The following NELL1 variants were observed in gnomAD, a reference collection of about 807,000 sequenced individuals.
NELL1 encodes protein kinase C-binding protein NELL1.
Under a neutral mutation model 107.4 loss-of-function variants are expected in NELL1, and 76 were observed. The ratio of observed to expected loss-of-function variants is 0.71; its 90% confidence interval spans 0.59 to 0.86. The LOEUF (loss-of-function observed/expected upper bound fraction) is 0.86, where lower values mean the gene tolerates loss of function less well. Ranked by LOEUF, NELL1 falls within the 40% of genes least tolerant of loss-of-function variation. NELL1 has a pLI of 0.00. For missense variants in NELL1, 1,024 were observed against 1,005.5 expected (o/e 1.02, Z -0.25); for synonymous variants, 353 against 341.2 (o/e 1.03, Z -0.38).
chr11:21,547,713 A>G (rs1856478285), intron 16 of NELL1, among the ~76,000 whole-genome samples: 1 of 151,954 alleles, frequency 6.6e-6, no homozygotes, highest in Admixed American at 6.6e-5. Flanking sequence ...TGAGGCCCTC[A>G]GAATTAGCCA....
intron 14 of NELL1, among the ~76,000 whole-genome samples, chr11:21,243,519 G>A (rs1410262974): frequency 6.6e-6 from 1 of 152,052 alleles, no homozygotes; most frequent in Admixed American, 6.6e-5. Flanking sequence ...TTTGTAGAAG[G>A]AAAGCAAATT....
At chr11:21,165,293 T>C (rs1051134467) in intron 13 of NELL1, among the ~76,000 whole-genome samples, 4 of 152,192 alleles carry the variant, frequency 2.6e-5, no homozygotes, top group Non-Finnish European at 4.4e-5. Flanking sequence ...GAAACGTCTA[T>C]ACCCTAGTCA....
In NELL1 at chr11:21,359,462, T is replaced by C. The variant is rs188280529; in HGVS notation, c.1550-11391T>C. Among the ~76,000 whole-genome samples, 390 of 152,310 alleles carry C rather than the reference T, an allele frequency of 2.6e-3. 2 individuals are homozygous for C. The highest frequency in any genetic ancestry group is 9.0e-3 in the African/African-American group (373 of 41,582). On this transcript the variant is annotated intron_variant, in intron 14 of 19. Coordinates refer to ENST00000357134, the MANE Select transcript of NELL1 (RefSeq NM_006157.5). ...TCACCAGGGATATTGTTCTGCAGTT[T>C]TGTTTTTTTGTTATGTCCTTTACTG...
intron 2 of NELL1, among the ~76,000 whole-genome samples, chr11:20,682,818 A>G (rs1293703148): frequency 2.6e-5 from 4 of 152,020 alleles, no homozygotes; most frequent in African/African-American, 7.2e-5. Context: ...ATTTTCTAGA[A>G]TTTTATATAA....
chr11:20,675,608 C>T (rs552841290), intron 1 of NELL1, among the ~76,000 whole-genome samples: 1 of 152,206 alleles, frequency 6.6e-6, no homozygotes, highest in African/African-American at 2.4e-5. Flanking sequence ...CAGAGAAACA[C>T]CAACTTGGAG....
intron 16 of NELL1, among the ~76,000 whole-genome samples, chr11:21,541,303 C>T (rs775302466): frequency 1.8e-4 from 28 of 152,082 alleles, no homozygotes; most frequent in Non-Finnish European, 4.1e-4. Flanking sequence ...CTGGAGCCTG[C>T]TCTCAGGCCA....
intron 3 of NELL1, among the ~76,000 whole-genome samples, chr11:20,803,863 T>G (rs1011401118): frequency 7.9e-5 from 12 of 152,076 alleles, no homozygotes; most frequent in Non-Finnish European, 1.6e-4. Context: ...GGCTAGAATA[T>G]GAGCAGGCAG....
chr11:20,847,681 C>T lies in NELL1; in HGVS notation c.434C>T (p.Ala145Val). Residue 145 changes from alanine to valine, a missense_variant, in exon 4 of 20, where the codon GCA becomes GTA. Ala to Val is a moderately conservative substitution (Grantham distance 64). Coordinates refer to ENST00000357134, the MANE Select transcript of NELL1 (RefSeq NM_006157.5). Reference protein sequence around the residue: ...PRTEALPYRMADGQWHKVALS... With the variant: ...PRTEALPYRMVDGQWHKVALS... ...ACAGAGGCACTTCCTTACCGCATGG[C>T]AGATGGACAATGGCACAAGGTTGCA... 1 of 1,613,756 alleles carries T rather than the reference C, an allele frequency of 6.2e-7. No homozygotes were observed. The highest frequency in any genetic ancestry group is 8.5e-7 in the Non-Finnish European group (1 of 1,179,828).
intron 12 of NELL1, among the ~76,000 whole-genome samples, 198 bp downstream of exon 12, chr11:20,960,758 G>T (rs1222736570): frequency 6.6e-6 from 1 of 152,136 alleles, no homozygotes; most frequent in East Asian, 1.9e-4. Flanking sequence ...CAAGACCTTT[G>T]AAGGTCGTTA....
chr11:20,744,740 A>G (rs897312368), intron 2 of NELL1, among the ~76,000 whole-genome samples: 2 of 152,186 alleles, frequency 1.3e-5, no homozygotes, highest in African/African-American at 4.8e-5. Flanking sequence ...CATTGGCCAA[A>G]GTAAATTCAT....
chr11:20,738,843 T>C (rs1855822440), intron 2 of NELL1, among the ~76,000 whole-genome samples: 2 of 152,162 alleles, frequency 1.3e-5, no homozygotes, highest in African/African-American at 4.8e-5. Context: ...GTGTACTTGG[T>C]CTTTAACCCC....
At chr11:20,765,405 A>G (rs1311366175) in intron 2 of NELL1, among the ~76,000 whole-genome samples, 1 of 152,182 alleles carries the variant, frequency 6.6e-6, no homozygotes, top group Non-Finnish European at 1.5e-5. Context: ...GTGGCACCAG[A>G]CACCACAGCA....
At chr11:20,823,914 A>G (rs986729807) in intron 3 of NELL1, among the ~76,000 whole-genome samples, 3 of 151,314 alleles carry the variant, frequency 2.0e-5, no homozygotes, top group African/African-American at 4.8e-5. Flanking sequence ...CAAATACTCA[A>G]ACAACAATGA....
chr11:21,210,660 T>C (rs1857478928), intron 13 of NELL1, among the ~76,000 whole-genome samples: 1 of 152,180 alleles, frequency 6.6e-6, no homozygotes, highest in Non-Finnish European at 1.5e-5. Flanking sequence ...GCAAATGTTT[T>C]CTCTTACTGT....
chr11:21,233,728 C>G (rs1367781486), intron 14 of NELL1, among the ~76,000 whole-genome samples: 1 of 152,178 alleles, frequency 6.6e-6, no homozygotes, highest in Non-Finnish European at 1.5e-5. Flanking sequence ...GAGTGTTTAT[C>G]TGCTTTCCCA....
At chr11:21,011,030 C>T (rs1226818624) in intron 12 of NELL1, among the ~76,000 whole-genome samples, 1 of 152,106 alleles carries the variant, frequency 6.6e-6, no homozygotes, top group Admixed American at 6.6e-5. Context: ...TTTCAATGTT[C>T]CTGGTTTCCT....
intron 15 of NELL1, among the ~76,000 whole-genome samples, chr11:21,446,235 T>C (rs1369270568): frequency 6.6e-6 from 1 of 152,162 alleles, no homozygotes; most frequent in Non-Finnish European, 1.5e-5. Flanking sequence ...TGATTCTGAA[T>C]ACTTTCTCTG....
In NELL1 at chr11:20,915,931, A is replaced by C. The variant is rs531350142; in HGVS notation, c.604-2251A>C. On this transcript the variant is annotated intron_variant, in intron 5 of 19. Coordinates refer to ENST00000357134, the MANE Select transcript of NELL1 (RefSeq NM_006157.5). ...TGGGGAAGGTGCTGGGATATACATA[A>C]ATGTGTGTAGTCACATGCATACACA... is the stretch of plus-strand genomic sequence containing the variant. 2.3e-3 allele frequency among the ~76,000 whole-genome samples: 348 copies of C among 151,350 alleles called. 1 individual carries two copies. The highest frequency in any genetic ancestry group is 6.8e-3 in the Middle Eastern group (2 of 294).
intron 3 of NELL1, among the ~76,000 whole-genome samples, chr11:20,799,309 T>C (rs1331552976): frequency 1.3e-5 from 2 of 152,178 alleles, no homozygotes; most frequent in Non-Finnish European, 2.9e-5. Context: ...CTTGATGATT[T>C]CACAGTGTGA....
Sources: allele counts gnomAD v4.1 joint callset (sites outside exome capture counted in the v4.1 genomes callset), GRCh38; gene constraint gnomAD v4.1.1; transcripts MANE v1.5; gene names NCBI Gene and HGNC (gene_info 2026-07-23, HGNC 2026-07-21).